The following RPTOR variants were observed in gnomAD, a reference collection of about 807,000 sequenced individuals.
RPTOR encodes regulatory-associated protein of mTOR.
A neutral mutation model predicts 169.9 loss-of-function variants in RPTOR; 21 were observed. That is an observed-to-expected ratio of 0.12 (90% CI 0.09 to 0.18). The LOEUF (loss-of-function observed/expected upper bound fraction) is 0.18, where lower values mean the gene tolerates loss of function less well. Among genes scored for constraint, RPTOR ranks in the 10% least tolerant of loss-of-function variants. The pLI is 1.00. For missense variants in RPTOR, 1,133 were observed against 1,855.9 expected (o/e 0.61, Z 7.16); for synonymous variants, 732 against 753.2 (o/e 0.97, Z 0.46).
At chr17:80,930,879 C>T (rs908157747) in intron 24 of RPTOR, among the ~76,000 whole-genome samples, 6 of 152,232 alleles carry the variant, frequency 3.9e-5, no homozygotes, top group Non-Finnish European at 8.8e-5. Context: ...CCTTTCTCCA[C>T]ACTTGGCTGT....
intron 17 of RPTOR, among the ~76,000 whole-genome samples, chr17:80,891,359 G>A (rs538635972): frequency 1.3e-5 from 2 of 152,352 alleles, no homozygotes; most frequent in South Asian, 4.1e-4. Context: ...TTTCAGCCAG[G>A]GTCCCAGTGG....
At chr17:80,700,588 A>AGTG (rs1415248366) in intron 3 of RPTOR, among the ~76,000 whole-genome samples, 1 of 8,750 alleles carries the variant, frequency 1.1e-4, no homozygotes, top group Non-Finnish European at 2.4e-4. Flanking sequence ...TGATGATGGA[A>AGTG]GTGGTGGTGA....
In RPTOR at chr17:80,746,373, A is replaced by G. The variant is rs1205446930; in HGVS notation, c.655-7637A>G. ...CCGCCCCCACAGCGGTGCTTTCTGC[A>G]GGGAGCGGACGGCAGGCCTGGGGCG... is the stretch of plus-strand genomic sequence containing the variant. On this transcript the variant is annotated intron_variant, in intron 5 of 33. Coordinates refer to ENST00000306801, the MANE Select transcript of RPTOR (RefSeq NM_020761.3). The surrounding 1 kb of genome is among the most constrained non-coding windows in gnomAD (Gnocchi z 4.5). 1.3e-5 allele frequency among the ~76,000 whole-genome samples: 2 copies of G among 152,144 alleles called. No individual in the cohort carries two copies. The highest frequency in any genetic ancestry group is 3.9e-4 in the East Asian group (2 of 5,138).
rs766428272 is a variant in RPTOR at position 80,947,271 on chromosome 17, A to G, written c.3185A>G (p.Asn1062Ser). 9 of 1,604,476 alleles carry G rather than the reference A, an allele frequency of 5.6e-6. No homozygotes were observed. The highest frequency in any genetic ancestry group is 1.7e-5 in the Admixed American group (1 of 58,396). Residue 1062 changes from asparagine (N) to serine (S), a missense_variant, in exon 27 of 34, where the codon AAT (asparagine) becomes AGT (serine). By Grantham distance (46) the Asn-to-Ser change is conservative. Coordinates refer to ENST00000306801, the MANE Select transcript of RPTOR (RefSeq NM_020761.3). This position sits in a 1 kb window ranked among gnomAD's most constrained non-coding sequence, Gnocchi z 4.4. ...EKGEKLDYFH[N>S]GNPRYTRVTA... is the part of the protein sequence containing the mutation. ...GGGGAGAAGCTGGATTATTTCCACA[A>G]TGGGAACCCTCGGTACACGAGGGTC...
chr17:80,838,404 G>GC (rs575880824), intron 10 of RPTOR, among the ~76,000 whole-genome samples: 218 of 152,246 alleles, frequency 1.4e-3, no homozygotes, highest in African/African-American at 4.9e-3. Flanking sequence ...AGGGCGTTCT[G>GC]CCCCCGGCCG....
In RPTOR at chr17:80,636,449, A is replaced by G. The variant is rs569701454; in HGVS notation, c.266-7279A>G. On this transcript the variant is annotated intron_variant, in intron 2 of 33. Transcript: ENST00000306801. ...TTCTGGAGGCTGAGGAGTCTAAGAT[A>G]AAGGCACTGGCAGGTCTGTTGTCTC... Among the ~76,000 whole-genome samples, 6 of 152,268 alleles carry G rather than the reference A, an allele frequency of 3.9e-5. No homozygotes were observed. In the East Asian group the frequency reaches 9.6e-4, roughly 24 times the overall value.
chr17:80,563,220 T>A (rs200287964), intron 1 of RPTOR, among the ~76,000 whole-genome samples: 1 of 76,854 alleles, frequency 1.3e-5, no homozygotes, highest in Non-Finnish European at 2.8e-5. Context: ...AAGAGTTTTT[T>A]TTTTTAATTT....
chr17:80,948,036 T>C (rs913896354), intron 27 of RPTOR, among the ~76,000 whole-genome samples: 6 of 152,230 alleles, frequency 3.9e-5, no homozygotes, highest in African/African-American at 1.4e-4. Flanking sequence ...CACGTGTCCA[T>C]TGCCTGTTGC....
At chr17:80,700,864 G>A (rs183789618) in intron 3 of RPTOR, among the ~76,000 whole-genome samples, 2,865 of 151,886 alleles carry the variant, frequency 0.019, 51 homozygotes, top group Non-Finnish European at 0.027. Context: ...TGGTGGTAGT[G>A]GTGGTTTGGT....
chr17:80,859,700 C>T lies in RPTOR; in HGVS notation c.1509+1800C>T, dbSNP rs1030169394. 3.3e-5 allele frequency among the ~76,000 whole-genome samples: 5 copies of T among 152,348 alleles called. No homozygotes were observed. In the South Asian group the frequency reaches 6.2e-4, roughly 19 times the overall value. On this transcript the variant is annotated intron_variant, in intron 13 of 33. Coordinates refer to ENST00000306801, the MANE Select transcript of RPTOR (RefSeq NM_020761.3). ...GCAGGTCCACGTTCCCCCCGGACTT[C>T]GGCCAGCTGCTGTGTGCACGTGTGT...
intron 3 of RPTOR, among the ~76,000 whole-genome samples, chr17:80,685,627 A>ATTTTTTTTTT (rs1165540456): frequency 1.6e-4 from 5 of 30,682 alleles, no homozygotes; most frequent in African/African-American, 3.4e-4. Flanking sequence ...ATATATATAT[A>ATTTTTTTTTT]TTTTTTTTTT....
At chr17:80,893,954 C>A in intron 20 of RPTOR, 89 bp downstream of exon 20, 1 of 1,287,792 alleles carries the variant, frequency 7.8e-7, no homozygotes, top group South Asian at 1.7e-5. Context: ...TGCATCAGGT[C>A]AGTGGGTGTC....
intron 4 of RPTOR, among the ~76,000 whole-genome samples, chr17:80,717,965 T>C (rs1325433010): frequency 6.6e-6 from 1 of 152,248 alleles, no homozygotes; most frequent in East Asian, 1.9e-4. Flanking sequence ...TACTCCCAAT[T>C]AGCTTTTAGA....
chr17:80,634,201 C>CTGTGTGCGTGTGTGTACTGTG lies in RPTOR; in HGVS notation c.265+8414_265+8415insCGTGTGTGTACTGTGTGTGTG, dbSNP rs1567830231. ...TGTGTGCGCATACTGTGTGTGCATA[C>CTGTGTGCGTGTGTGTACTGTG]TGTGTGTGCATACTGTGTGCGTGTG... On this transcript the variant is annotated intron_variant, in intron 2 of 33. Coordinates refer to ENST00000306801, the MANE Select transcript of RPTOR (RefSeq NM_020761.3). 6.6e-4 allele frequency among the ~76,000 whole-genome samples: 72 copies of CTGTGTGCGTGTGTGTACTGTG among 108,606 alleles called. 2 individuals carry two copies. The highest frequency in any genetic ancestry group is 2.6e-3 in the African/African-American group (67 of 26,258). 71.2% of individuals were successfully genotyped at this position (108,606 alleles called of 152,430 possible).
intron 1 of RPTOR, among the ~76,000 whole-genome samples, chr17:80,621,715 C>T (rs1267420026): frequency 6.6e-6 from 1 of 152,240 alleles, no homozygotes; most frequent in African/African-American, 2.4e-5. Flanking sequence ...AGGGAATAAG[C>T]ACTAGCACAG....
chr17:80,793,091 G>A lies in RPTOR; in HGVS notation c.890+1582G>A, dbSNP rs1386519346. 5.9e-5 allele frequency among the ~76,000 whole-genome samples: 9 copies of A among 152,324 alleles called. 1 individual carries two copies. The South Asian group carries it at 1.0e-3, about 18-fold the overall frequency. ...TTCTCAAAGCGCCGGGATTACAGGC[G>A]TGAGTGATTCTGGCCGTGCCAGGCC... On this transcript the variant is annotated intron_variant, in intron 7 of 33. Transcript: ENST00000306801.
Position 80,751,561 on chromosome 17 carries a change from G to A in RPTOR, c.655-2449G>A, listed in dbSNP as rs78087764. ...GCAGACACAGACACATTCTCTCCCCGTCAAGCCGGGGAGCGCATCGCAGCC... is the reference window on the plus strand; with the variant it reads ...GCAGACACAGACACATTCTCTCCCCATCAAGCCGGGGAGCGCATCGCAGCC... On this transcript the variant is annotated intron_variant, in intron 5 of 33. Coordinates refer to ENST00000306801, the MANE Select transcript of RPTOR (RefSeq NM_020761.3). 6.6e-5 allele frequency among the ~76,000 whole-genome samples: 10 copies of A among 152,268 alleles called. No individual in the cohort carries two copies. The East Asian group carries it at 1.4e-3, about 21-fold the overall frequency.
At chr17:80,682,127 A>T (rs2065904370) in intron 3 of RPTOR, among the ~76,000 whole-genome samples, 1 of 122,028 alleles carries the variant, frequency 8.2e-6, no homozygotes, top group Non-Finnish European at 1.7e-5. Flanking sequence ...CACCCCAAAC[A>T]AAGTCTCGCT....
chr17:80,658,497 C>T (rs933743091), intron 3 of RPTOR, among the ~76,000 whole-genome samples: 3 of 152,142 alleles, frequency 2.0e-5, no homozygotes, highest in African/African-American at 7.2e-5. Context: ...CTCCCCGCAC[C>T]CCCCTGTCCA....
Sources: gnomAD v4.1 joint callset for allele counts (sites outside exome capture counted in the v4.1 genomes callset) on GRCh38, gnomAD v4.1.1 for gene constraint, Gnocchi (gnomAD v3.1) non-coding constraint, MANE v1.5 for transcripts, NCBI Gene and HGNC (gene_info 2026-07-23, HGNC 2026-07-21) for gene names.